The following PPP3CA variants were observed in gnomAD, a reference collection of about 807,000 sequenced individuals.
The protein encoded by PPP3CA is protein phosphatase 3 catalytic subunit alpha, also known as CAM-PRP catalytic subunit.
PPP3CA carries 14 observed loss-of-function variants against 66.5 expected under a neutral mutation model. The observed-to-expected ratio is 0.21, with a 90% confidence interval of 0.14 to 0.33. PPP3CA has a LOEUF of 0.33. Among genes scored for constraint, PPP3CA ranks in the 10% least tolerant of loss-of-function variants. The probability of loss-of-function intolerance (pLI) is 1.00; values close to 1 mark genes in which losing one functional copy is unlikely to be tolerated. For missense variants in PPP3CA, 317 were observed against 639.5 expected (o/e 0.50, Z 5.44); for synonymous variants, 232 against 226.2 (o/e 1.03, Z -0.23).
intron 1 of PPP3CA, among the ~76,000 whole-genome samples, chr4:101,239,984 GT>G (rs1449624543): frequency 7.2e-6 from 1 of 139,502 alleles, no homozygotes; most frequent in Non-Finnish European, 1.5e-5. Context: ...GATTAAGGGG[GT>G]TTAAAATAAA....
chr4:101,299,212 C>G (rs571457791), intron 1 of PPP3CA, among the ~76,000 whole-genome samples: 12 of 146,206 alleles, frequency 8.2e-5, no homozygotes, highest in Admixed American at 2.1e-4. Flanking sequence ...CTCAGCCTCC[C>G]AAAGTCCTGG....
intron 2 of PPP3CA, among the ~76,000 whole-genome samples, chr4:101,163,038 AT>A (rs991982032): frequency 1.3e-5 from 2 of 152,220 alleles, no homozygotes; most frequent in Admixed American, 1.3e-4. Flanking sequence ...GGTAAAAGTC[AT>A]CCATCCCCAG....
intron 2 of PPP3CA, among the ~76,000 whole-genome samples, chr4:101,157,687 G>A (rs1326559028): frequency 6.6e-6 from 1 of 152,090 alleles, no homozygotes; most frequent in Non-Finnish European, 1.5e-5. Context: ...TAATTTTGAT[G>A]TTCTTTGAAA....
chr4:101,190,836 T>C (rs906789774), intron 2 of PPP3CA, among the ~76,000 whole-genome samples: 1 of 152,196 alleles, frequency 6.6e-6, no homozygotes, highest in African/African-American at 2.4e-5. Flanking sequence ...TATAATAAAT[T>C]ATAATCAACA....
chr4:101,337,289 T>C (rs771945639), intron 1 of PPP3CA, among the ~76,000 whole-genome samples: 9 of 152,214 alleles, frequency 5.9e-5, no homozygotes, highest in Non-Finnish European at 1.3e-4. Context: ...TATGATCCAC[T>C]ACAGAAAGAG....
At chr4:101,320,052 G>T (rs202116978) in intron 1 of PPP3CA, among the ~76,000 whole-genome samples, 149 of 152,126 alleles carry the variant, frequency 9.8e-4, no homozygotes, top group Non-Finnish European at 1.8e-3. Flanking sequence ...GGGACAACAA[G>T]CCAAAATATT....
At chr4:101,246,153 A>G (rs1345660158) in intron 1 of PPP3CA, among the ~76,000 whole-genome samples, 1 of 152,214 alleles carries the variant, frequency 6.6e-6, no homozygotes, top group Non-Finnish European at 1.5e-5. Context: ...TAAAGTATCT[A>G]CATGTCTTAT....
chr4:101,093,390 T>C (rs1730043522), intron 6 of PPP3CA, among the ~76,000 whole-genome samples: 1 of 150,250 alleles, frequency 6.7e-6, no homozygotes, highest in African/African-American at 2.5e-5. Flanking sequence ...ATTTTCTGAT[T>C]AAGGTATGTA....
At chr4:101,305,136 A>G (rs1430180488) in intron 1 of PPP3CA, among the ~76,000 whole-genome samples, 2 of 152,164 alleles carry the variant, frequency 1.3e-5, no homozygotes, top group African/African-American at 2.4e-5. Flanking sequence ...GAGTTTGTTT[A>G]TTTTATTCTG....
At chr4:101,076,693 G>C (rs1267065701) in intron 8 of PPP3CA, among the ~76,000 whole-genome samples, 5 of 152,182 alleles carry the variant, frequency 3.3e-5, no homozygotes, top group Non-Finnish European at 7.3e-5. Context: ...GATAAGCAGA[G>C]AGACAGGTGA....
intron 5 of PPP3CA, among the ~76,000 whole-genome samples, chr4:101,097,197 T>G (rs1450585168): frequency 6.6e-6 from 1 of 152,120 alleles, no homozygotes; most frequent in Non-Finnish European, 1.5e-5. Context: ...AGAAGAAATC[T>G]CAGCAAAATT....
At chr4:101,304,150 T>C (rs1307540343) in intron 1 of PPP3CA, among the ~76,000 whole-genome samples, 1 of 152,214 alleles carries the variant, frequency 6.6e-6, no homozygotes, top group African/African-American at 2.4e-5. Flanking sequence ...TCTTAACATG[T>C]GTACAAAGAC....
At chr4:101,046,855 A>C (rs534602411) in intron 10 of PPP3CA, among the ~76,000 whole-genome samples, 2 of 152,200 alleles carry the variant, frequency 1.3e-5, no homozygotes, top group Non-Finnish European at 2.9e-5. Flanking sequence ...TTGTTGTGCT[A>C]TATTAAAGAT....
At chr4:101,327,309 A>C (rs1729237692) in intron 1 of PPP3CA, among the ~76,000 whole-genome samples, 1 of 152,176 alleles carries the variant, frequency 6.6e-6, no homozygotes, top group South Asian at 2.1e-4. Flanking sequence ...CTCTTCCATA[A>C]GAAAAAATTC....
chr4:101,256,226 A>C (rs533014744), intron 1 of PPP3CA, among the ~76,000 whole-genome samples: 1 of 152,064 alleles, frequency 6.6e-6, no homozygotes, highest in South Asian at 2.1e-4. Context: ...CTCTGAATAG[A>C]GTCAGAGTCT....
intron 2 of PPP3CA, among the ~76,000 whole-genome samples, chr4:101,174,579 T>C (rs910696617): frequency 6.6e-6 from 1 of 152,188 alleles, no homozygotes; most frequent in Non-Finnish European, 1.5e-5. Flanking sequence ...ATATAAAGAA[T>C]ATGTGTGCAA....
chr4:101,281,252 T>C (rs1299075375), intron 1 of PPP3CA, among the ~76,000 whole-genome samples: 2 of 152,206 alleles, frequency 1.3e-5, no homozygotes, highest in South Asian at 2.1e-4. Context: ...TGAACGTACA[T>C]AATTCTTTTG....
At chr4:101,110,960 G>T (rs1721650154) in intron 2 of PPP3CA, among the ~76,000 whole-genome samples, 1 of 149,802 alleles carries the variant, frequency 6.7e-6, no homozygotes, top group Admixed American at 6.7e-5. Context: ...TATAAGATAT[G>T]AGCATAATAA....
intron 8 of PPP3CA, among the ~76,000 whole-genome samples, chr4:101,066,342 A>T (rs1313285600): frequency 6.6e-6 from 1 of 152,166 alleles, no homozygotes; most frequent in East Asian, 1.9e-4. Flanking sequence ...AGACTAAGGT[A>T]CTTAATATCT....
Sources: allele counts gnomAD v4.1 joint callset (sites outside exome capture counted in the v4.1 genomes callset), GRCh38; gene constraint gnomAD v4.1.1; transcripts MANE v1.5; gene names NCBI Gene and HGNC (gene_info 2026-07-23, HGNC 2026-07-21).